The following ADGRL2 variants were observed in gnomAD, a reference collection of about 807,000 sequenced individuals.
The protein encoded by ADGRL2 is calcium-independent alpha-latrotoxin receptor 2.
ADGRL2 carries 44 observed loss-of-function variants against 157.4 expected under a neutral mutation model. The observed-to-expected ratio is 0.28, with a 90% CI of 0.22 to 0.36. The LOEUF (loss-of-function observed/expected upper bound fraction) is 0.36. Among genes scored for constraint, ADGRL2 ranks in the 10% least tolerant of loss-of-function variants. The pLI, the probability that ADGRL2 is intolerant of heterozygous loss-of-function variation, is 1.00. For synonymous variants in ADGRL2, 585 were observed against 624.7 expected, an observed-to-expected ratio of 0.94 and a Z score of 0.95; for missense variants, 1,510 against 1,768.9, an observed-to-expected ratio of 0.85 and a Z score of 2.63.
intron 1 of ADGRL2, among the ~76,000 whole-genome samples, chr1:81,320,354 G>T (rs1285095777): frequency 6.6e-6 from 1 of 152,136 alleles, no homozygotes; most frequent in African/African-American, 2.4e-5. Context: ...TTGCCATTTT[G>T]ACTTCTCCTG....
intron 2 of ADGRL2, among the ~76,000 whole-genome samples, chr1:81,858,549 T>A (rs2093282273): frequency 6.6e-6 from 1 of 152,116 alleles, no homozygotes; most frequent in African/African-American, 2.4e-5. Context: ...TGTATTTCTT[T>A]CCTATTTTTG....
At chr1:81,975,232 A>G (rs916248548) in intron 17 of ADGRL2, among the ~76,000 whole-genome samples, 6 of 152,212 alleles carry the variant, frequency 3.9e-5, no homozygotes, top group Non-Finnish European at 8.8e-5. Flanking sequence ...TATACTTACT[A>G]GTAGTGGCTT....
At chr1:81,601,094 G>A (rs139371903) in intron 3 of ADGRL2, among the ~76,000 whole-genome samples, 72 of 152,254 alleles carry the variant, frequency 4.7e-4, no homozygotes, top group Middle Eastern at 3.4e-3. Flanking sequence ...TTTCCTTGGC[G>A]CAGTGCAGAG....
At chr1:81,424,868 GA>G (rs2077183561) in intron 1 of ADGRL2, among the ~76,000 whole-genome samples, 1 of 152,176 alleles carries the variant, frequency 6.6e-6, no homozygotes, top group East Asian at 1.9e-4. Context: ...GTCAGACATT[GA>G]AAGCCTTGGT....
intron 1 of ADGRL2, among the ~76,000 whole-genome samples, chr1:81,712,351 C>G (rs185051108): frequency 6.6e-6 from 1 of 152,120 alleles, no homozygotes; most frequent in African/African-American, 2.4e-5. Context: ...AAATTCAAAT[C>G]GGTCTTCATC....
intron 3 of ADGRL2, among the ~76,000 whole-genome samples, chr1:81,917,195 C>A (rs2094876606): frequency 6.6e-6 from 1 of 151,938 alleles, no homozygotes; most frequent in South Asian, 2.1e-4. Context: ...TATTAATTTT[C>A]CATATATCCT....
At chr1:81,325,016 C>T (rs939788065) in intron 1 of ADGRL2, among the ~76,000 whole-genome samples, 2 of 152,068 alleles carry the variant, frequency 1.3e-5, no homozygotes, top group African/African-American at 4.8e-5. Flanking sequence ...CAGGCCCAGC[C>T]GGAAACTTTA....
chr1:81,829,501 G>C (rs547321029), intron 1 of ADGRL2, among the ~76,000 whole-genome samples: 1 of 152,218 alleles, frequency 6.6e-6, no homozygotes, highest in South Asian at 2.1e-4. Context: ...CCCTGATGTT[G>C]TTTTGAATTT....
chr1:81,355,300 C>T lies in ADGRL2; in HGVS notation c.-302+48791C>T, dbSNP rs114382333. Among the ~76,000 whole-genome samples the T allele has an allele frequency of 8.9e-3, 1,354 of 151,726 alleles. 11 individuals carry two copies. Among genetic ancestry groups the T allele is most frequent in the Non-Finnish European group, 0.014 (980 of 67,888 alleles). On this transcript the variant is annotated intron_variant, in intron 1 of 24. Coordinates refer to the ADGRL2 transcript ENST00000370721. ...CTTGAACTTAGGAGATGGAGGCTGC[C>T]GTGAGCCGAGATTGCACCACTGCAC...
chr1:81,853,488 G>T (rs1308707780), intron 2 of ADGRL2, among the ~76,000 whole-genome samples: 2 of 152,118 alleles, frequency 1.3e-5, no homozygotes, highest in Non-Finnish European at 2.9e-5. Flanking sequence ...TCAGTAGTTT[G>T]TTGGCCCAGA....
intron 2 of ADGRL2, among the ~76,000 whole-genome samples, chr1:81,570,191 AGGAACAGGGATCACTT>A (rs1305376575): frequency 1.3e-5 from 2 of 152,222 alleles, no homozygotes; most frequent in African/African-American, 4.8e-5. Context: ...GTGATTATCA[AGGAACAGGGATCACTT>A]GGACCATCTT....
chr1:81,656,436 A>C, intron 3 of ADGRL2, among the ~76,000 whole-genome samples: 1 of 152,118 alleles, frequency 6.6e-6, no homozygotes, highest in Non-Finnish European at 1.5e-5. Context: ...CAAGATTCAC[A>C]TTTTTGCCCA....
At chr1:81,968,696 T>C (rs985845487) in intron 14 of ADGRL2, among the ~76,000 whole-genome samples, 2 of 152,168 alleles carry the variant, frequency 1.3e-5, no homozygotes, top group Non-Finnish European at 2.9e-5. Flanking sequence ...AGAAATATTT[T>C]AAGAAGTGTA....
chr1:81,943,100 C>G lies in ADGRL2; in HGVS notation c.541C>G (p.Pro181Ala). ...TAAAATTTATTTCATGCCCTGGACT[C>G]CCTATCGTACCGATACTTTAATAGA... ...ADKIYFMPWT[P>A]YRTDTLIEYA... Residue 181 changes from proline to alanine, a missense_variant, in exon 6 of 24, where the codon CCC (proline) becomes GCC (alanine). Physicochemically the swap from Pro to Ala is conservative, Grantham distance 27. Coordinates refer to ENST00000686636, the MANE Select transcript of ADGRL2 (RefSeq NM_001366006.2). The surrounding 1 kb of genome is among the most constrained non-coding windows in gnomAD (Gnocchi z 5.6). 1 of 1,613,408 alleles carries G rather than the reference C, an allele frequency of 6.2e-7. No individual in the cohort carries two copies. Among genetic ancestry groups the G allele is most frequent in the Non-Finnish European group, 8.5e-7 (1 of 1,179,544 alleles).
chr1:81,425,665 G>T (rs138715585), intron 1 of ADGRL2, among the ~76,000 whole-genome samples: 1 of 152,246 alleles, frequency 6.6e-6, no homozygotes, highest in African/African-American at 2.4e-5. Context: ...TGGGAGAACT[G>T]ACCTTGGTTA....
At chr1:81,749,401 TCTC>T (rs1287512059) in intron 1 of ADGRL2, among the ~76,000 whole-genome samples, 2 of 152,284 alleles carry the variant, frequency 1.3e-5, no homozygotes, top group East Asian at 1.9e-4. Flanking sequence ...TACCATTACT[TCTC>T]CTTGTTCATG....
At chr1:81,642,724 A>G (rs2082244774) in intron 3 of ADGRL2, among the ~76,000 whole-genome samples, 1 of 152,226 alleles carries the variant, frequency 6.6e-6, no homozygotes, top group Non-Finnish European at 1.5e-5. Flanking sequence ...AAGAGAATTC[A>G]TACCAAATCA....
intron 1 of ADGRL2, among the ~76,000 whole-genome samples, chr1:81,388,228 T>C (rs999983445): frequency 1.3e-5 from 2 of 152,150 alleles, no homozygotes; most frequent in African/African-American, 4.8e-5. Context: ...TTTTCACACA[T>C]AGTGCTTTGT....
intron 2 of ADGRL2, among the ~76,000 whole-genome samples, chr1:81,552,605 G>GC (rs2080175042): frequency 9.6e-6 from 1 of 103,994 alleles, no homozygotes; most frequent in Non-Finnish European, 1.9e-5. Context: ...ACTTTACTTA[G>GC]AAAAAAAAAA....
Sources: gnomAD v4.1 joint callset for allele counts (sites outside exome capture counted in the v4.1 genomes callset) on GRCh38, gnomAD v4.1.1 for gene constraint, Gnocchi (gnomAD v3.1) non-coding constraint, MANE v1.5 for transcripts, NCBI Gene and HGNC (gene_info 2026-07-23, HGNC 2026-07-21) for gene names.